MTA1: variants seen among roughly 807,000 people sequenced by gnomAD.
MTA1 encodes the protein metastasis-associated protein MTA1.
MTA1 carries 15 observed loss-of-function variants against 97.0 expected under a neutral mutation model. The ratio of observed to expected loss-of-function variants is 0.15; its 90% CI spans 0.10 to 0.24. The LOEUF (loss-of-function observed/expected upper bound fraction) is 0.24. MTA1 is among the 10% of genes least tolerant of loss of function. The pLI, the probability that MTA1 is intolerant of heterozygous loss-of-function variation, is 1.00. For missense variants in MTA1, 709 were observed against 1,015.1 expected, an observed-to-expected ratio of 0.70 and a Z score of 4.10; for synonymous variants, 435 against 417.5, an observed-to-expected ratio of 1.04 and a Z score of -0.51.
At chr14:105,445,336 G>A (rs1404184710) in intron 2 of MTA1, 82 bp from the exon 3 acceptor site, 3 of 1,305,768 alleles carry the variant, frequency 2.3e-6, no homozygotes, top group African/African-American at 1.5e-5. Context: ...GGACGGCAGG[G>A]TCCGGCCTTG....
intron 1 of MTA1, among the ~76,000 whole-genome samples, chr14:105,437,463 G>A (rs184570887): frequency 2.6e-5 from 4 of 151,986 alleles, no homozygotes; most frequent in Non-Finnish European, 5.9e-5. Context: ...CTGCAGGTGC[G>A]TCCTCATGGG....
At chr14:105,437,924 G>A (rs587704665) in intron 1 of MTA1, among the ~76,000 whole-genome samples, 3 of 152,340 alleles carry the variant, frequency 2.0e-5, no homozygotes, top group Admixed American at 6.5e-5. Flanking sequence ...GGAAGGTTCC[G>A]TGGCTCTCTG....
chr14:105,457,296 G>A (rs1249934378), intron 7 of MTA1, among the ~76,000 whole-genome samples: 3 of 152,230 alleles, frequency 2.0e-5, no homozygotes, highest in African/African-American at 7.2e-5. Flanking sequence ...CCAACACCAC[G>A]GTCTTGTTTT....
intron 16 of MTA1, 90 bp downstream of exon 16, chr14:105,465,273 T>A: frequency 8.8e-7 from 1 of 1,142,372 alleles, no homozygotes; most frequent in Non-Finnish European, 1.2e-6. Context: ...CAGCCTTCTC[T>A]AGCTGGGAGC....
In MTA1 at chr14:105,441,580, A is replaced by G. The variant is rs587718561; in HGVS notation, c.96+2841A>G. Among the ~76,000 whole-genome samples the G allele has an allele frequency of 8.6e-4, 131 of 152,318 alleles. 2 individuals are homozygous for G. The East Asian group carries it at 0.02, about 23-fold the overall frequency. ...GAGGCCGAGGCGGGCGGATCACAAG[A>G]TCAGGAGATCGAGACCATCCTGGCT... is the stretch of plus-strand genomic sequence containing the variant. On this transcript the variant is annotated intron_variant, in intron 2 of 20. Transcript: ENST00000331320.
rs587725344 is a variant in MTA1, at chr14:105,463,867, G to T, written c.1077-165G>T. On this transcript the variant is annotated intron_variant, in intron 12 of 20. Coordinates refer to ENST00000331320, the MANE Select transcript of MTA1 (RefSeq NM_004689.4). The surrounding 1 kb of genome is among the most constrained non-coding windows in gnomAD (Gnocchi z 5.9). ...GAGAACGGCTCAGACCTCAGCAGTG[G>T]CTCCCAGGAACTGAAAGGGGAGAAA... is the stretch of plus-strand genomic sequence containing the variant. 8 of 723,216 alleles carry T rather than the reference G, an allele frequency of 1.1e-5. 1 individual carries two copies. The South Asian group carries it at 1.1e-4, about 10-fold the overall frequency. 44.8% of individuals were successfully genotyped at this position (723,216 alleles called of 1,614,324 possible).
At chr14:105,446,548 T>A (rs1427990129) in intron 3 of MTA1, among the ~76,000 whole-genome samples, 2 of 152,282 alleles carry the variant, frequency 1.3e-5, no homozygotes, top group East Asian at 3.9e-4. Flanking sequence ...GGGCAGGAAG[T>A]CAGCCCAGGC....
At position 105,463,367 on chromosome 14, in the gene MTA1, C is replaced by T; in HGVS notation, c.1017+109C>T. On this transcript the variant is annotated intron_variant, in intron 11 of 20. Transcript: ENST00000331320. The surrounding 1 kb of genome is among the most constrained non-coding windows in gnomAD (Gnocchi z 5.9). ...TGCTGCAGCAGGAGGGGAAGGAAGACTCCTGAGTCCCTGGCCCGGCTGTCC... is the reference window on the plus strand; with the variant it reads ...TGCTGCAGCAGGAGGGGAAGGAAGATTCCTGAGTCCCTGGCCCGGCTGTCC... 2 of 1,499,010 alleles carry T rather than the reference C, an allele frequency of 1.3e-6. No homozygotes were observed. Among genetic ancestry groups the T allele is most frequent in the Non-Finnish European group, 1.9e-6 (2 of 1,080,074 alleles). 92.9% of individuals were successfully genotyped at this position (1,499,010 alleles called of 1,614,324 possible).
Position 105,424,429 on chromosome 14 carries a change from C to T in MTA1, c.28+4366C>T, listed in dbSNP as rs2081948119. 6.6e-6 allele frequency among the ~76,000 whole-genome samples: 1 copy of T among 151,926 alleles called. No individual in the cohort carries two copies. Among genetic ancestry groups the T allele is most frequent in the Non-Finnish European group, 1.5e-5 (1 of 67,982 alleles). ...TGTTAGCCAGTATGGTCTCGATCTC[C>T]TGACCTTGTGACCCACCCGCCTCAG... On this transcript the variant is annotated intron_variant, in intron 1 of 20. Coordinates refer to ENST00000331320, the MANE Select transcript of MTA1 (RefSeq NM_004689.4). The surrounding 1 kb of genome is among the most constrained non-coding windows in gnomAD (Gnocchi z 4.0).
intron 1 of MTA1, among the ~76,000 whole-genome samples, chr14:105,431,656 C>T (rs1370022948): frequency 2.6e-5 from 4 of 152,296 alleles, no homozygotes; most frequent in Middle Eastern, 6.8e-3. Flanking sequence ...GGTGGAGTCT[C>T]GCCCTGTTGC....
In MTA1 at chr14:105,438,770, G is replaced by T. The variant is rs373695409; in HGVS notation, c.96+31G>T. 2.1e-5 allele frequency: 34 copies of T among 1,608,706 alleles called. No individual in the cohort carries two copies. In the African/African-American group the frequency reaches 4.0e-4, roughly 19 times the overall value. ...GGGGGGCCCTGGTGTTGCTGCAGGG[G>T]GGTAGTGGGTGGGGGCTACGCCAGC... On this transcript the variant is annotated intron_variant, in intron 2 of 20. Transcript: ENST00000331320.
In MTA1 at chr14:105,451,775, C is replaced by CTTTTT. The variant is rs1436886470; in HGVS notation, c.432+1454_432+1458dup. On this transcript the variant is annotated intron_variant, in intron 6 of 20. Coordinates refer to ENST00000331320, the MANE Select transcript of MTA1 (RefSeq NM_004689.4). Reference sequence around the variant, plus strand: ...CAGCCCTTCCCCCCTTTTTCTTTTTCTTTTTTTGTTTTTTTTTTTTTTTTT... The same window carrying CTTTTT: ...CAGCCCTTCCCCCCTTTTTCTTTTTCTTTTTTTTTTTTGTTTTTTTTTTTTTTTTT... 1.3e-4 allele frequency among the ~76,000 whole-genome samples: 15 copies of CTTTTT among 118,260 alleles called. 1 individual carries two copies. The highest frequency in any genetic ancestry group is 2.9e-4 in the Admixed American group (3 of 10,272). 77.6% of individuals were successfully genotyped at this position (118,260 alleles called of 152,430 possible).
intron 2 of MTA1, among the ~76,000 whole-genome samples, chr14:105,442,224 C>CT (rs1555425926): frequency 6.6e-6 from 1 of 152,222 alleles, no homozygotes; most frequent in Non-Finnish European, 1.5e-5. Flanking sequence ...CCCACTTTGC[C>CT]TTTCGGCAGC....
Position 105,470,234 on chromosome 14 carries a change from G to GGCCCCCCC in MTA1, c.*19_*20insGCCCCCCC. On this transcript the variant is annotated 3_prime_UTR_variant, in exon 21 of 21. Transcript: ENST00000331320. ...GGACTAGGGGCCGCCCCCACCTGCG[G>GGCCCCCCC]CCGCCCCCCGCCCCTCGCCCGCCCA... 1 of 1,492,872 alleles carries GGCCCCCCC rather than the reference G, an allele frequency of 6.7e-7. No individual in the cohort carries two copies. 92.5% of individuals were successfully genotyped at this position (1,492,872 alleles called of 1,614,324 possible).
At chr14:105,430,758 AC>A (rs1461107599) in intron 1 of MTA1, among the ~76,000 whole-genome samples, 18 of 152,288 alleles carry the variant, frequency 1.2e-4, no homozygotes, top group African/African-American at 4.3e-4. Context: ...TTGATGACTC[AC>A]GAGCTAAGAA....
At chr14:105,451,393 C>G (rs1436099279) in intron 6 of MTA1, among the ~76,000 whole-genome samples, 2 of 152,242 alleles carry the variant, frequency 1.3e-5, no homozygotes, top group African/African-American at 4.8e-5. Context: ...GGCCTGGGGT[C>G]GTAACACATG....
rs1009560179 is a variant in MTA1, at chr14:105,469,150, C to G, written c.1814-317C>G. ...CAGCCTTGCGAGGCTTTGCTTGTCT[C>G]GGCACGGCAGGCAAGTGGGTGGACA... On this transcript the variant is annotated intron_variant, in intron 18 of 20. Transcript: ENST00000331320. 5.1e-6 allele frequency: 3 copies of G among 583,782 alleles called. No homozygotes were observed. The East Asian group carries it at 1.1e-4, about 22-fold the overall frequency. The allele number at this position is 583,782 out of a possible 1,614,324, so 36.2% of individuals were successfully genotyped here. A position where few individuals can be genotyped will look rare whatever the true frequency, so the allele number is the denominator to read the frequency against.
Position 105,424,582 on chromosome 14 carries a change from G to A in MTA1, c.28+4519G>A, listed in dbSNP as rs1325061027. Among the ~76,000 whole-genome samples the A allele has an allele frequency of 2.6e-5, 4 of 151,524 alleles. No individual in the cohort carries two copies. The highest frequency in any genetic ancestry group is 9.7e-5 in the African/African-American group (4 of 41,156). ...ACAATCGCGGCTCACTGCAACCTCC[G>A]CCTCCTGGGTTCTAGTGATTTGCCT... is the stretch of plus-strand genomic sequence containing the variant. On this transcript the variant is annotated intron_variant, in intron 1 of 20. Coordinates refer to ENST00000331320, the MANE Select transcript of MTA1 (RefSeq NM_004689.4). The surrounding 1 kb of genome is among the most constrained non-coding windows in gnomAD (Gnocchi z 4.0).
intron 1 of MTA1, among the ~76,000 whole-genome samples, chr14:105,438,226 G>A (rs782750623): frequency 2.6e-4 from 40 of 152,156 alleles, no homozygotes; most frequent in Admixed American, 1.0e-3. Flanking sequence ...TGGTGGCCAC[G>A]TGGCTCTGGG....
Sources: allele counts gnomAD v4.1 joint callset (sites outside exome capture counted in the v4.1 genomes callset), GRCh38; gene constraint gnomAD v4.1.1; non-coding constraint Gnocchi (gnomAD v3.1); transcripts MANE v1.5; gene names NCBI Gene and HGNC (gene_info 2026-07-23, HGNC 2026-07-21).